HIP1: variants seen among roughly 807,000 people sequenced by gnomAD.
HIP1 encodes huntingtin-interacting protein 1.
HIP1 carries 65 observed loss-of-function variants against 147.6 expected under a neutral mutation model. The ratio of observed to expected loss-of-function variants is 0.44; its 90% CI spans 0.36 to 0.54. HIP1 has a LOEUF of 0.54. Ranked by LOEUF, HIP1 falls within the 20% of genes least tolerant of loss-of-function variation. The pLI is 0.00. For synonymous variants in HIP1, 479 were observed against 504.0 expected, an observed-to-expected ratio of 0.95 and a Z score of 0.67; for missense variants, 1,061 against 1,299.6, an observed-to-expected ratio of 0.82 and a Z score of 2.82.
At chr7:75,703,753 A>G (rs1236429237) in intron 1 of HIP1, among the ~76,000 whole-genome samples, 1 of 152,214 alleles carries the variant, frequency 6.6e-6, no homozygotes, top group Non-Finnish European at 1.5e-5. Context: ...AAAACAAAAC[A>G]TAAAGTAGAT....
intron 1 of HIP1, among the ~76,000 whole-genome samples, chr7:75,635,513 G>T (rs1798391872): frequency 6.6e-6 from 1 of 150,518 alleles, no homozygotes; most frequent in African/African-American, 2.4e-5. Context: ...AGGAGGCGGA[G>T]GCGGTGGTGA....
In HIP1 at chr7:75,606,024, T is replaced by C. The variant is rs184024929; in HGVS notation, c.121-6777A>G. Among the ~76,000 whole-genome samples the C allele has an allele frequency of 2.8e-3, 427 of 152,178 alleles. 2 individuals are homozygous for C. The highest frequency in any genetic ancestry group is 9.8e-3 in the African/African-American group (407 of 41,530). Reference sequence around the variant, plus strand: ...ACCACTATGCCTGGCTAGTTGGTTTTTTTAAATAGAGACGGGGTCTCATTA... The same window carrying C: ...ACCACTATGCCTGGCTAGTTGGTTTCTTTAAATAGAGACGGGGTCTCATTA... On this transcript the variant is annotated intron_variant, in intron 1 of 30. Transcript: ENST00000336926.
At chr7:75,571,177 T>C (rs1554496568) in intron 8 of HIP1, among the ~76,000 whole-genome samples, 1 of 151,994 alleles carries the variant, frequency 6.6e-6, no homozygotes, top group Admixed American at 6.6e-5. Context: ...CATAACTCCC[T>C]CAGCCTCCAG....
chr7:75,715,199 G>A (rs1801277614), intron 1 of HIP1, among the ~76,000 whole-genome samples: 1 of 151,796 alleles, frequency 6.6e-6, no homozygotes, highest in Admixed American at 6.6e-5. Flanking sequence ...AGACCAGCCT[G>A]GGCAACACAG....
chr7:75,732,307 C>A (rs1377823082), intron 1 of HIP1, among the ~76,000 whole-genome samples: 4 of 152,146 alleles, frequency 2.6e-5, no homozygotes, highest in African/African-American at 7.2e-5. Flanking sequence ...ACGCAGGATG[C>A]ATTAAGATCC....
chr7:75,550,459 T>C (rs1197835087), intron 22 of HIP1, among the ~76,000 whole-genome samples: 1 of 152,220 alleles, frequency 6.6e-6, no homozygotes, highest in Non-Finnish European at 1.5e-5. Flanking sequence ...TTGCCCAGGC[T>C]AGAGTGCAGT....
Position 75,536,111 on chromosome 7 carries a change from C to G in HIP1, c.*2061G>C, listed in dbSNP as rs989117416. On this transcript the variant is annotated 3_prime_UTR_variant, in exon 31 of 31. Transcript: ENST00000336926. ...ATGTTGACCCGCATCAAGAACACACCGATTGGTTTAGTTGCCACAACTGGG... is the reference window on the plus strand; with the variant it reads ...ATGTTGACCCGCATCAAGAACACACGGATTGGTTTAGTTGCCACAACTGGG... 5.2e-6 allele frequency: 1 copy of G among 192,316 alleles called. No homozygotes were observed. The highest frequency in any genetic ancestry group is 1.1e-5 in the Non-Finnish European group (1 of 92,104). The allele number at this position is 192,316 out of a possible 1,614,324, so 11.9% of individuals were successfully genotyped here.
At chr7:75,660,824 C>A (rs139555286) in intron 1 of HIP1, among the ~76,000 whole-genome samples, 1 of 152,154 alleles carries the variant, frequency 6.6e-6, no homozygotes, top group East Asian at 1.9e-4. Context: ...CAAAGAACCC[C>A]CTTCATCCTC....
rs587681200 is a variant in HIP1 at position 75,553,764 on chromosome 7, C to T, written c.2159-175G>A. Among the ~76,000 whole-genome samples, 15 of 152,196 alleles carry T rather than the reference C, an allele frequency of 9.9e-5. No individual in the cohort carries two copies. In the East Asian group the frequency reaches 1.9e-3, roughly 20 times the overall value. ...GGGATTACGGGTGCGCCACCATGCCCGGCTAATTTTTGTATTTTTAGTAGA... is the reference window on the plus strand; with the variant it reads ...GGGATTACGGGTGCGCCACCATGCCTGGCTAATTTTTGTATTTTTAGTAGA... On this transcript the variant is annotated intron_variant, in intron 21 of 30. Coordinates refer to ENST00000336926, the MANE Select transcript of HIP1 (RefSeq NM_005338.7).
intron 1 of HIP1, among the ~76,000 whole-genome samples, chr7:75,631,705 C>A (rs1798227688): frequency 6.6e-6 from 1 of 152,112 alleles, no homozygotes; most frequent in Non-Finnish European, 1.5e-5. Flanking sequence ...TTATTTGGGG[C>A]TCCGGAGCAG....
intron 7 of HIP1, among the ~76,000 whole-genome samples, chr7:75,580,981 A>T (rs1284098567): frequency 6.6e-6 from 1 of 152,118 alleles, no homozygotes; most frequent in African/African-American, 2.4e-5. Context: ...GCCTCAAGTG[A>T]TGGGCCCACC....
chr7:75,546,914 G>A, intron 25 of HIP1, 25 bp downstream of exon 25: 5 of 1,514,784 alleles, frequency 3.3e-6, no homozygotes, highest in Non-Finnish European at 4.5e-6. Flanking sequence ...TCCTCTTCCT[G>A]CCCAGGGCCC....
intron 1 of HIP1, among the ~76,000 whole-genome samples, chr7:75,616,083 C>T (rs1391647131): frequency 6.1e-5 from 2 of 32,876 alleles, no homozygotes; most frequent in Non-Finnish European, 1.0e-4. Context: ...AAGACTCTGT[C>T]TCAAAAAAAA....
chr7:75,694,593 C>A (rs1554518586), intron 1 of HIP1, among the ~76,000 whole-genome samples: 1 of 149,502 alleles, frequency 6.7e-6, no homozygotes, highest in African/African-American at 2.5e-5. Context: ...ACACTGCAGC[C>A]TCAACCTCCT....
At chr7:75,554,275 T>TCA in intron 20 of HIP1, 55 bp from the exon 21 acceptor site, 1 of 1,450,046 alleles carries the variant, frequency 6.9e-7, no homozygotes, top group Non-Finnish European at 9.6e-7. Context: ...GACACTTTCA[T>TCA]ACCCTCTCCT....
At chr7:75,556,939 CA>C in intron 16 of HIP1, 128 bp from the exon 17 acceptor site, 1 of 577,512 alleles carries the variant, frequency 1.7e-6, no homozygotes. Context: ...TACACCCCCC[CA>C]AAAAAGTGCA....
intron 4 of HIP1, among the ~76,000 whole-genome samples, chr7:75,588,916 C>A (rs1796377431): frequency 6.6e-6 from 1 of 152,130 alleles, no homozygotes; most frequent in Non-Finnish European, 1.5e-5. Flanking sequence ...ATTTGAGAGG[C>A]TGAGGCATTG....
intron 1 of HIP1, among the ~76,000 whole-genome samples, chr7:75,659,738 T>C (rs1799248039): frequency 6.6e-6 from 1 of 152,140 alleles, no homozygotes; most frequent in Admixed American, 6.6e-5. Context: ...CCTCAAAAAC[T>C]CACGGTCTTC....
intron 7 of HIP1, among the ~76,000 whole-genome samples, chr7:75,574,179 G>C (rs1322594450): frequency 6.6e-6 from 1 of 152,152 alleles, no homozygotes; most frequent in Non-Finnish European, 1.5e-5. Context: ...TGTAATCCCA[G>C]CTACTCAGGA....
Sources: allele counts gnomAD v4.1 joint callset (sites outside exome capture counted in the v4.1 genomes callset), GRCh38; gene constraint gnomAD v4.1.1; transcripts MANE v1.5; gene names NCBI Gene and HGNC (gene_info 2026-07-23, HGNC 2026-07-21).